DNAI7: variants seen among roughly 807,000 people sequenced by gnomAD.
The protein encoded by DNAI7 is dynein axonemal intermediate chain 7.
A neutral mutation model predicts 86.6 loss-of-function variants in DNAI7; 78 were observed. The observed-to-expected ratio is 0.90, with a 90% CI of 0.75 to 1.09. The LOEUF (loss-of-function observed/expected upper bound fraction) is 1.09, where lower values mean the gene tolerates loss of function less well. DNAI7 is among the 50% of genes least tolerant of loss of function. The pLI is 0.00. For synonymous variants in DNAI7, 274 were observed against 273.0 expected (o/e 1.00, Z -0.04); for missense variants, 753 against 810.2 (o/e 0.93, Z 0.86).
chr12:25,118,175 C>G (rs1039881777), intron 12 of DNAI7, among the ~76,000 whole-genome samples: 1 of 152,052 alleles, frequency 6.6e-6, no homozygotes, highest in African/African-American at 2.4e-5. Context: ...TCAGGTGATA[C>G]GCCCGCCTTG....
At chr12:25,171,886 A>C (rs1948186093) in intron 2 of DNAI7, among the ~76,000 whole-genome samples, 1 of 152,224 alleles carries the variant, frequency 6.6e-6, no homozygotes, top group Non-Finnish European at 1.5e-5. Flanking sequence ...GAATACATGC[A>C]GAAAAAAGAT....
At chr12:25,128,339 T>C (rs1325759323) in intron 9 of DNAI7, among the ~76,000 whole-genome samples, 1 of 152,218 alleles carries the variant, frequency 6.6e-6, no homozygotes, top group Non-Finnish European at 1.5e-5. Flanking sequence ...ACAGCATTAA[T>C]TAAGAATAAT....
At chr12:25,185,302 G>A (rs1313236818) in intron 2 of DNAI7, among the ~76,000 whole-genome samples, 1 of 152,034 alleles carries the variant, frequency 6.6e-6, no homozygotes, top group Non-Finnish European at 1.5e-5. Flanking sequence ...ACATTGTAGT[G>A]AGCACTATTT....
In DNAI7 at chr12:25,124,696, G is replaced by A. The variant is rs143096729; in HGVS notation, c.1003-1410C>T. On this transcript the variant is annotated intron_variant, in intron 9 of 15. Transcript: ENST00000395987. The stretch of plus-strand genomic sequence containing the variant: ...AGGCAAACTCAGGTCACAGGGGTTT[G>A]TTGTACAGATTATCTCATCACCTAG... Among the ~76,000 whole-genome samples, 6 of 152,200 alleles carry A rather than the reference G, an allele frequency of 3.9e-5. No individual in the cohort carries two copies. In the East Asian group the frequency reaches 1.2e-3, roughly 29 times the overall value.
In DNAI7 at chr12:25,108,974, A is replaced by G. The variant is rs962227355; in HGVS notation, c.1894-151T>C. The stretch of plus-strand genomic sequence containing the variant: ...TATGTGTTCCATTACTGGGTTTTGA[A>G]AAACCATCACACTGTTTATATTTTG... On this transcript the variant is annotated intron_variant, in intron 15 of 15. Transcript: ENST00000395987. 2.8e-5 allele frequency: 15 copies of G among 541,642 alleles called. No individual in the cohort carries two copies. In the East Asian group the frequency reaches 4.2e-4, roughly 15 times the overall value. 33.6% of individuals were successfully genotyped at this position (541,642 alleles called of 1,614,324 possible).
At chr12:25,109,947 GGATTAC>G (rs1263650144) in intron 15 of DNAI7, among the ~76,000 whole-genome samples, 174 bp downstream of exon 15, 25 of 152,178 alleles carry the variant, frequency 1.6e-4, no homozygotes, top group African/African-American at 5.8e-4. Flanking sequence ...CATAGTGCTG[GGATTAC>G]AGGAATGAGC....
At chr12:25,191,476 A>C (rs1382609474) in intron 1 of DNAI7, among the ~76,000 whole-genome samples, 1 of 152,102 alleles carries the variant, frequency 6.6e-6, no homozygotes, top group Non-Finnish European at 1.5e-5. Context: ...CGGCTGAGGA[A>C]GGTGGATCAC....
At position 25,163,521 on chromosome 12, in the gene DNAI7, G is replaced by A. The variant is rs77704484; in HGVS notation, c.22-2324C>T. Among the ~76,000 whole-genome samples, 11 of 151,942 alleles carry A rather than the reference G, an allele frequency of 7.2e-5. No individual in the cohort carries two copies. In the East Asian group the frequency reaches 9.7e-4, roughly 13 times the overall value. On this transcript the variant is annotated intron_variant, in intron 2 of 15. Transcript: ENST00000395987. The stretch of plus-strand genomic sequence containing the variant: ...AACGGCCCTACCCCTATCTCCCTTC[G>A]CTGACTCTCTTTTCGGACTCAGCCC...
chr12:25,155,974 G>A (rs566895741), intron 4 of DNAI7, among the ~76,000 whole-genome samples: 21 of 152,134 alleles, frequency 1.4e-4, no homozygotes, highest in African/African-American at 4.8e-4. Flanking sequence ...GTATGGTGGC[G>A]TGTGCCTGTA....
chr12:25,134,776 T>C (rs555244525), intron 9 of DNAI7, among the ~76,000 whole-genome samples: 1 of 152,284 alleles, frequency 6.6e-6, no homozygotes, highest in African/African-American at 2.4e-5. Context: ...GTAGTTAAAC[T>C]CATTGGTAAG....
intron 2 of DNAI7, among the ~76,000 whole-genome samples, chr12:25,190,287 A>T (rs918058362): frequency 7.2e-5 from 11 of 152,178 alleles, no homozygotes; most frequent in African/African-American, 2.7e-4. Flanking sequence ...AATTTTATAT[A>T]TGTATCTAGA....
chr12:25,191,858 T>C (rs1434016423), intron 1 of DNAI7, among the ~76,000 whole-genome samples: 4 of 152,266 alleles, frequency 2.6e-5, no homozygotes, highest in South Asian at 2.1e-4. Context: ...ATATCACTTA[T>C]ACTTTCCTGA....
Position 25,108,336 on chromosome 12 carries a change from T to C in DNAI7, c.*212A>G, listed in dbSNP as rs571135177. 7.2e-5 allele frequency: 39 copies of C among 545,178 alleles called. No individual in the cohort carries two copies. Among genetic ancestry groups the C allele is most frequent in the African/African-American group, 1.9e-4 (10 of 52,606 alleles). The allele number at this position is 545,178 out of a possible 1,614,324, so 33.8% of individuals were successfully genotyped here. On this transcript the variant is annotated 3_prime_UTR_variant, in exon 16 of 16. Coordinates refer to ENST00000395987, the MANE Select transcript of DNAI7 (RefSeq NM_018272.5). ...AAATAAAGAATCATTTAAATCTTCA[T>C]AGAGTGAAAGCTGAAATTCTTAACA... is the stretch of plus-strand genomic sequence containing the variant.
At chr12:25,181,767 G>A (rs561677240) in intron 2 of DNAI7, among the ~76,000 whole-genome samples, 4 of 152,064 alleles carry the variant, frequency 2.6e-5, no homozygotes, top group Admixed American at 2.0e-4. Context: ...CAACACACAT[G>A]AACAAATGCT....
chr12:25,119,737 A>G (rs973795400), intron 11 of DNAI7, among the ~76,000 whole-genome samples: 5 of 152,246 alleles, frequency 3.3e-5, no homozygotes, highest in South Asian at 2.1e-4. Context: ...AAAAAGAAAC[A>G]TATAGACAAC....
chr12:25,150,552 C>G (rs1406952806), intron 6 of DNAI7, among the ~76,000 whole-genome samples: 4 of 136,080 alleles, frequency 2.9e-5, no homozygotes, highest in Non-Finnish European at 4.5e-5. Context: ...TGCAGTGAGC[C>G]GAGATTGCAC....
At chr12:25,139,742 A>C (rs1416048309) in intron 9 of DNAI7, among the ~76,000 whole-genome samples, 1 of 152,158 alleles carries the variant, frequency 6.6e-6, no homozygotes. Flanking sequence ...AGAAATACCT[A>C]ATGTAGATGA....
At chr12:25,189,974 G>A (rs1950358308) in intron 2 of DNAI7, among the ~76,000 whole-genome samples, 1 of 131,580 alleles carries the variant, frequency 7.6e-6, no homozygotes, top group African/African-American at 2.9e-5. Context: ...CATAAAAATA[G>A]GTTGGCAACT....
At chr12:25,107,712 T>G, downstream of DNAI7, 2 of 1,077,110 alleles carry the variant, frequency 1.9e-6, no homozygotes, top group Non-Finnish European at 2.7e-6. Flanking sequence ...AAAAGGCAGT[T>G]TTGGGGGTAT....
Sources: allele counts gnomAD v4.1 joint callset (sites outside exome capture counted in the v4.1 genomes callset), GRCh38; gene constraint gnomAD v4.1.1; transcripts MANE v1.5; gene names NCBI Gene and HGNC (gene_info 2026-07-23, HGNC 2026-07-21).